ERLEC1: variants seen among roughly 807,000 people sequenced by gnomAD.
ERLEC1 encodes ER lectin.
A neutral mutation model predicts 68.0 loss-of-function variants in ERLEC1; 47 were observed. The observed-to-expected ratio is 0.69, with a 90% CI of 0.55 to 0.88. ERLEC1 has a LOEUF of 0.88. Ranked by LOEUF, ERLEC1 falls within the 40% of genes least tolerant of loss-of-function variation. ERLEC1 has a pLI of 0.00. For synonymous variants in ERLEC1, 225 were observed against 203.2 expected, an observed-to-expected ratio of 1.11 and a Z score of -0.91; for missense variants, 567 against 583.8, an observed-to-expected ratio of 0.97 and a Z score of 0.30.
intron 1 of ERLEC1, 77 bp downstream of exon 1, chr2:53,787,449 G>T: frequency 6.7e-7 from 1 of 1,499,652 alleles, no homozygotes; most frequent in Non-Finnish European, 8.9e-7. Context: ...GGTTTTCTTT[G>T]CTTTTTCTCC....
At chr2:53,802,924 T>C (rs1676081719) in intron 8 of ERLEC1, among the ~76,000 whole-genome samples, 1 of 152,194 alleles carries the variant, frequency 6.6e-6, no homozygotes, top group Non-Finnish European at 1.5e-5. Flanking sequence ...TATTGTTTTC[T>C]TCTTCTCTTG....
chr2:53,795,955 G>T lies in ERLEC1; in HGVS notation c.290G>T (p.Gly97Val), dbSNP rs758810576. Residue 97 changes from glycine to valine, a missense_variant, in exon 3 of 14, where the codon GGC becomes GTC. Physicochemically the swap from Gly to Val is moderately radical, Grantham distance 109. Coordinates refer to ENST00000185150, the MANE Select transcript of ERLEC1 (RefSeq NM_015701.5). ...TAGGAAGAAGAAAAGGATTATAAAGGCCCTAATCCAAGAGAGCTTTTGGAG... is the reference window on the plus strand; with the variant it reads ...TAGGAAGAAGAAAAGGATTATAAAGTCCCTAATCCAAGAGAGCTTTTGGAG... ...GDEEEEKDYK[G>V]PNPRELLEPL... The T allele has an allele frequency of 9.4e-6, 15 of 1,601,616 alleles. No homozygotes were observed. Among genetic ancestry groups the T allele is most frequent in the South Asian group, 9.0e-5 (8 of 88,918 alleles).
intron 10 of ERLEC1, among the ~76,000 whole-genome samples, chr2:53,811,936 A>C (rs1283534029): frequency 6.6e-6 from 1 of 152,098 alleles, no homozygotes; most frequent in African/African-American, 2.4e-5. Context: ...GTTTTGTTTG[A>C]GACAGAGTTT....
chr2:53,813,192 G>C, intron 11 of ERLEC1, 119 bp downstream of exon 11: 1 of 1,222,074 alleles, frequency 8.2e-7, no homozygotes, highest in Non-Finnish European at 1.1e-6. Context: ...TTTTTCAAGG[G>C]ATATCTTTTA....
chr2:53,794,642 A>AT (rs757321616), intron 2 of ERLEC1, among the ~76,000 whole-genome samples, 193 bp downstream of exon 2: 4 of 151,632 alleles, frequency 2.6e-5, no homozygotes, highest in East Asian at 1.9e-4. Flanking sequence ...TTAGCAATCA[A>AT]TTTTTTTTTA....
intron 10 of ERLEC1, among the ~76,000 whole-genome samples, chr2:53,810,219 A>G (rs1050682462): frequency 1.1e-4 from 16 of 152,028 alleles, no homozygotes; most frequent in African/African-American, 3.6e-4. Flanking sequence ...CCTGTAATCC[A>G]AACACTTTGG....
At chr2:53,787,479 C>T (rs1240659523) in intron 1 of ERLEC1, 107 bp downstream of exon 1, 3 of 1,338,584 alleles carry the variant, frequency 2.2e-6, no homozygotes, top group Non-Finnish European at 3.0e-6. Context: ...TCTCTGCAGA[C>T]TCTTACCTTC....
chr2:53,795,113 A>G (rs1675619361), intron 2 of ERLEC1, among the ~76,000 whole-genome samples: 1 of 152,158 alleles, frequency 6.6e-6, no homozygotes, highest in Non-Finnish European at 1.5e-5. Context: ...ATGCTTTCTC[A>G]TTATCTTAGC....
chr2:53,811,706 G>A (rs887934525), intron 10 of ERLEC1, among the ~76,000 whole-genome samples: 3 of 152,132 alleles, frequency 2.0e-5, no homozygotes, highest in African/African-American at 7.2e-5. Flanking sequence ...AAGTCAAATA[G>A]GTAGTAACTG....
At chr2:53,789,170 C>T (rs905897832) in intron 1 of ERLEC1, among the ~76,000 whole-genome samples, 6 of 151,632 alleles carry the variant, frequency 4.0e-5, no homozygotes, top group African/African-American at 9.7e-5. Flanking sequence ...CAGAGGCAGG[C>T]GGATTATGAG....
intron 8 of ERLEC1, among the ~76,000 whole-genome samples, chr2:53,804,843 T>C (rs1049289239): frequency 1.3e-5 from 2 of 152,070 alleles, no homozygotes; most frequent in Non-Finnish European, 2.9e-5. Flanking sequence ...ATCCTTCTAC[T>C]CTCTATCTCC....
Position 53,801,594 on chromosome 2 carries a change from A to G in ERLEC1, c.723A>G (p.Pro241=), listed in dbSNP as rs758727969. 13 of 1,613,908 alleles carry G rather than the reference A, an allele frequency of 8.1e-6. No homozygotes were observed. Among genetic ancestry groups the G allele is most frequent in the Non-Finnish European group, 1.1e-5 (13 of 1,179,914 alleles). The change falls in exon 7 of 14, where the codon CCA becomes CCG. Residue 241 remains proline (P), a synonymous_variant. Coordinates refer to ENST00000185150, the MANE Select transcript of ERLEC1 (RefSeq NM_015701.5). ...TCEYEVVILT[P]LLCSHPKYRF... ...AATATGAAGTTGTCATTTTGACACCACTCTTGTGCAGTCATCCTAAATATA... is the reference window on the plus strand; with the variant it reads ...AATATGAAGTTGTCATTTTGACACCGCTCTTGTGCAGTCATCCTAAATATA...
chr2:53,814,649 T>C, intron 12 of ERLEC1, 29 bp downstream of exon 12: 4 of 1,534,750 alleles, frequency 2.6e-6, no homozygotes, highest in Non-Finnish European at 3.6e-6. Flanking sequence ...TCATGCTGTA[T>C]GCCTTTGTCT....
intron 2 of ERLEC1, among the ~76,000 whole-genome samples, chr2:53,795,309 C>G (rs1042656789): frequency 2.6e-5 from 4 of 152,178 alleles, no homozygotes; most frequent in Non-Finnish European, 4.4e-5. Context: ...TTGAAACTGA[C>G]TTCCTCCACT....
intron 10 of ERLEC1, among the ~76,000 whole-genome samples, chr2:53,810,273 C>G (rs1393085289): frequency 1.3e-5 from 2 of 152,060 alleles, no homozygotes; most frequent in African/African-American, 4.8e-5. Context: ...AGTTCAAGAG[C>G]AGCCTGGGCA....
At chr2:53,794,882 T>A (rs946330237) in intron 2 of ERLEC1, among the ~76,000 whole-genome samples, 3 of 152,062 alleles carry the variant, frequency 2.0e-5, no homozygotes, top group African/African-American at 7.2e-5. Context: ...CTCGATTTCT[T>A]GACCTCATGA....
chr2:53,814,405 T>A, intron 11 of ERLEC1, 138 bp from the exon 12 acceptor site: 4 of 521,198 alleles, frequency 7.7e-6, no homozygotes, highest in South Asian at 8.0e-5. Flanking sequence ...AATATTTTTT[T>A]AAAGAATATT....
In ERLEC1 at chr2:53,795,981, C is replaced by A; in HGVS notation, c.316C>A (p.Pro106Thr). The A allele has an allele frequency of 6.2e-7, 1 of 1,603,970 alleles. No individual in the cohort carries two copies. The highest frequency in any genetic ancestry group is 1.7e-4 in the Middle Eastern group (1 of 6,038). The change falls in exon 3 of 14, where the codon CCA (proline) becomes ACA (threonine). Residue 106 changes from proline to threonine, a missense_variant. By Grantham distance (38) the Pro-to-Thr change is conservative. Transcript: ENST00000185150. ...CCCTAATCCAAGAGAGCTTTTGGAG[C>A]CACTATTTAAACAAAGCAGTTGTTC... ...KGPNPRELLE[P>T]LFKQSSCSYR...
intron 1 of ERLEC1, among the ~76,000 whole-genome samples, chr2:53,789,029 G>A (rs1274920222): frequency 6.6e-6 from 1 of 151,810 alleles, no homozygotes; most frequent in African/African-American, 2.4e-5. Flanking sequence ...CTACCAAATT[G>A]TCATTCCATT....
Sources: allele counts gnomAD v4.1 joint callset (sites outside exome capture counted in the v4.1 genomes callset), GRCh38; gene constraint gnomAD v4.1.1; transcripts MANE v1.5; gene names NCBI Gene and HGNC (gene_info 2026-07-23, HGNC 2026-07-21).